Variants in OCA2 observed in about 807,000 individuals in gnomAD.
OCA2 encodes P protein.
In OCA2, 77 loss-of-function variants were observed where a neutral mutation model predicts 100.2. The observed-to-expected ratio is 0.77, with a 90% CI of 0.64 to 0.93. The LOEUF (loss-of-function observed/expected upper bound fraction) is 0.93, where lower values mean the gene tolerates loss of function less well. Ranked by LOEUF, OCA2 falls within the 40% of genes least tolerant of loss-of-function variation. The pLI is 0.00. For missense variants in OCA2, 1,062 were observed against 1,089.1 expected, an observed-to-expected ratio of 0.98 and a Z score of 0.35; for synonymous variants, 432 against 439.2, an observed-to-expected ratio of 0.98 and a Z score of 0.21.
At chr15:27,899,031 A>G (rs187299543) in intron 19 of OCA2, among the ~76,000 whole-genome samples, 1 of 152,308 alleles carries the variant, frequency 6.6e-6, no homozygotes, top group Admixed American at 6.5e-5. Flanking sequence ...AAAATCCCCA[A>G]CAAAATGTTA....
chr15:28,097,966 G>A (rs2045017241), intron 1 of OCA2, among the ~76,000 whole-genome samples: 1 of 152,186 alleles, frequency 6.6e-6, no homozygotes, highest in Non-Finnish European at 1.5e-5. Context: ...CTCCAGCATA[G>A]AAACGGGGAC....
intron 23 of OCA2, among the ~76,000 whole-genome samples, chr15:27,832,830 A>ATTTTTTTTT (rs112415796): frequency 7.4e-6 from 1 of 135,746 alleles, no homozygotes. Flanking sequence ...TAAATATCTG[A>ATTTTTTTTT]TTTTTTTTTT....
At chr15:27,759,426 T>C (rs893803368) in intron 23 of OCA2, among the ~76,000 whole-genome samples, 2 of 152,156 alleles carry the variant, frequency 1.3e-5, no homozygotes, top group African/African-American at 4.8e-5. Flanking sequence ...AGTTTTTAAA[T>C]TATGTTTGAT....
intron 23 of OCA2, among the ~76,000 whole-genome samples, chr15:27,788,699 T>C (rs2032936863): frequency 6.6e-6 from 1 of 152,172 alleles, no homozygotes; most frequent in Admixed American, 6.5e-5. Flanking sequence ...GTCTTTAGTA[T>C]ATTTACATTC....
chr15:27,722,727 CTTT>C, the OCA2 span, among the ~76,000 whole-genome samples: 1 of 39,482 alleles, frequency 2.5e-5, no homozygotes, highest in African/African-American at 5.8e-5. Flanking sequence ...TCTCTTTCTT[CTTT>C]CTTTCTTTCT....
intron 2 of OCA2, among the ~76,000 whole-genome samples, chr15:28,067,293 T>A (rs1256130021): frequency 6.6e-6 from 1 of 152,194 alleles, no homozygotes; most frequent in Admixed American, 6.5e-5. Flanking sequence ...CTATCAATCT[T>A]AGTTATTTTT....
chr15:28,091,350 C>A (rs1331719716), intron 1 of OCA2, among the ~76,000 whole-genome samples: 1 of 152,146 alleles, frequency 6.6e-6, no homozygotes, highest in African/African-American at 2.4e-5. Context: ...ATACCAAAAT[C>A]AGATACAGTA....
intron 23 of OCA2, among the ~76,000 whole-genome samples, chr15:27,770,818 CTT>C (rs2031707068): frequency 7.7e-6 from 1 of 130,374 alleles, no homozygotes; most frequent in African/African-American, 3.1e-5. Flanking sequence ...TCCTTCCTCC[CTT>C]CCATTCTTCC....
intron 21 of OCA2, among the ~76,000 whole-genome samples, chr15:27,852,298 A>C (rs1429198391): frequency 6.6e-6 from 1 of 151,958 alleles, no homozygotes; most frequent in Non-Finnish European, 1.5e-5. Flanking sequence ...TTTTCCCACC[A>C]CCATTTATTA....
chr15:27,938,863 T>C (rs188178517), intron 18 of OCA2, among the ~76,000 whole-genome samples: 1 of 151,998 alleles, frequency 6.6e-6, no homozygotes, highest in East Asian at 1.9e-4. Flanking sequence ...GCCTTGGGAG[T>C]GGCGGACTGG....
intron 19 of OCA2, among the ~76,000 whole-genome samples, chr15:27,877,117 T>C (rs2036823110): frequency 6.6e-6 from 1 of 151,988 alleles, no homozygotes; most frequent in Non-Finnish European, 1.5e-5. Flanking sequence ...TATTCCCTTG[T>C]GATTTCATTT....
At chr15:27,791,087 C>G (rs2033058212) in intron 23 of OCA2, among the ~76,000 whole-genome samples, 1 of 151,918 alleles carries the variant, frequency 6.6e-6, no homozygotes, top group African/African-American at 2.4e-5. Flanking sequence ...CTGTGCCTGG[C>G]CCTGATTTTT....
intron 2 of OCA2, among the ~76,000 whole-genome samples, chr15:28,038,496 T>G (rs2043110155): frequency 6.6e-6 from 1 of 152,146 alleles, no homozygotes; most frequent in South Asian, 2.1e-4. Flanking sequence ...GCACACATTT[T>G]CAGGAGATAG....
At chr15:27,880,707 T>C (rs1371360074) in intron 19 of OCA2, among the ~76,000 whole-genome samples, 1 of 152,196 alleles carries the variant, frequency 6.6e-6, no homozygotes, top group African/African-American at 2.4e-5. Flanking sequence ...CACATTGTTT[T>C]TGTATCCTGA....
chr15:27,835,744 C>T (rs2035125165), intron 23 of OCA2, among the ~76,000 whole-genome samples: 1 of 152,194 alleles, frequency 6.6e-6, no homozygotes, highest in African/African-American at 2.4e-5. Flanking sequence ...TCACCCCCGT[C>T]AGTGTGAGGC....
At chr15:27,785,578 GAAAGA>G (rs1005807041) in intron 23 of OCA2, among the ~76,000 whole-genome samples, 1 of 152,124 alleles carries the variant, frequency 6.6e-6, no homozygotes, top group Admixed American at 6.5e-5. Context: ...AAAAAGGTAA[GAAAGA>G]AAAGAAAAGA....
At position 27,870,222 on chromosome 15, in the gene OCA2, G is replaced by C. The variant is rs542985524; in HGVS notation, c.2244+932C>G. On this transcript the variant is annotated intron_variant, in intron 21 of 23. Transcript: ENST00000354638. ...GTCTTGGGACCCCCTTGCATGGGAT[G>C]TTCCCTGCGGGGAAGGGGGAGACCC... is the stretch of plus-strand genomic sequence containing the variant. Among the ~76,000 whole-genome samples, 3 of 152,354 alleles carry C rather than the reference G, an allele frequency of 2.0e-5. No individual in the cohort carries two copies. In the East Asian group the frequency reaches 5.8e-4, roughly 30 times the overall value.
chr15:28,077,167 C>T (rs933091872), intron 2 of OCA2, among the ~76,000 whole-genome samples: 1 of 151,028 alleles, frequency 6.6e-6, no homozygotes, highest in African/African-American at 2.4e-5. Context: ...ACAAGCAATT[C>T]TCCTGCCTGA....
chr15:27,834,986 C>T (rs2035093904), intron 23 of OCA2, among the ~76,000 whole-genome samples: 1 of 152,186 alleles, frequency 6.6e-6, no homozygotes, highest in Admixed American at 6.5e-5. Context: ...TTGATACAGC[C>T]TCCACAATAG....
Sources: allele counts gnomAD v4.1 joint callset (sites outside exome capture counted in the v4.1 genomes callset), GRCh38; gene constraint gnomAD v4.1.1; transcripts MANE v1.5; gene names NCBI Gene and HGNC (gene_info 2026-07-23, HGNC 2026-07-21).